Variants in BMPR1A observed in about 807,000 individuals in gnomAD.
BMPR1A encodes bone morphogenetic protein receptor type 1A.
Under a neutral mutation model 66.0 loss-of-function variants are expected in BMPR1A, and 7 were observed. The observed-to-expected ratio is 0.11, with a 90% CI of 0.06 to 0.20. The LOEUF (loss-of-function observed/expected upper bound fraction) is 0.20, where lower values mean the gene tolerates loss of function less well. Ranked by LOEUF, BMPR1A falls within the 10% of genes least tolerant of loss-of-function variation. BMPR1A has a pLI of 1.00. For missense variants in BMPR1A, 408 were observed against 669.1 expected (o/e 0.61, Z 4.31); for synonymous variants, 200 against 229.7 (o/e 0.87, Z 1.17).
At chr10:86,874,196 C>A (rs888498848) in intron 2 of BMPR1A, among the ~76,000 whole-genome samples, 6 of 152,220 alleles carry the variant, frequency 3.9e-5, no homozygotes, top group African/African-American at 1.4e-4. Context: ...ACTAATTAGC[C>A]TTTTCCCCCG....
chr10:86,864,001 A>G (rs1231920020), intron 2 of BMPR1A, among the ~76,000 whole-genome samples: 2 of 152,240 alleles, frequency 1.3e-5, no homozygotes, highest in Non-Finnish European at 2.9e-5. Flanking sequence ...AGTTTGATCA[A>G]GATAATTTTT....
intron 1 of BMPR1A, among the ~76,000 whole-genome samples, chr10:86,830,882 T>C (rs1039606240): frequency 1.3e-5 from 2 of 152,094 alleles, no homozygotes; most frequent in African/African-American, 4.8e-5. Flanking sequence ...TTTGGTGTCA[T>C]TCCCCATTCC....
chr10:86,860,659 A>G (rs1351762291), intron 2 of BMPR1A, among the ~76,000 whole-genome samples: 2 of 151,102 alleles, frequency 1.3e-5, no homozygotes, highest in Non-Finnish European at 2.9e-5. Context: ...AGTCCCAGCT[A>G]CTCGGGAGGC....
At chr10:86,909,353 G>C (rs1169267405) in intron 7 of BMPR1A, among the ~76,000 whole-genome samples, 7 of 152,144 alleles carry the variant, frequency 4.6e-5, no homozygotes. Context: ...AGCAATTTGG[G>C]AGGCTGAGGT....
chr10:86,771,040 G>A (rs1841250439), intron 1 of BMPR1A, among the ~76,000 whole-genome samples: 1 of 152,092 alleles, frequency 6.6e-6, no homozygotes, highest in African/African-American at 2.4e-5. Flanking sequence ...CTTCTCAGTG[G>A]CCTGTTTCCA....
At chr10:86,872,248 G>A (rs890914997) in intron 2 of BMPR1A, among the ~76,000 whole-genome samples, 1 of 152,206 alleles carries the variant, frequency 6.6e-6, no homozygotes, top group Non-Finnish European at 1.5e-5. Context: ...TGGCAAGTGT[G>A]TTGTAAACAT....
intron 2 of BMPR1A, among the ~76,000 whole-genome samples, chr10:86,848,907 G>A (rs188645772): frequency 8.0e-4 from 122 of 152,250 alleles, no homozygotes; most frequent in Admixed American, 2.4e-3. Context: ...CTCTATAATA[G>A]TTTTCTTCCA....
intron 2 of BMPR1A, among the ~76,000 whole-genome samples, chr10:86,858,717 C>T (rs997959116): frequency 6.6e-6 from 1 of 151,780 alleles, no homozygotes; most frequent in Non-Finnish European, 1.5e-5. Flanking sequence ...TACATTTGAC[C>T]AAGGAGGTGA....
intron 9 of BMPR1A, 44 bp downstream of exon 9, chr10:86,917,370 A>G (rs374598283): frequency 8.7e-6 from 14 of 1,606,868 alleles, no homozygotes; most frequent in Non-Finnish European, 1.2e-5. Context: ...TGACAAGGCT[A>G]GTGAGGTACA....
At chr10:86,898,859 TTC>T (rs1843267161) in intron 5 of BMPR1A, among the ~76,000 whole-genome samples, 1 of 152,164 alleles carries the variant, frequency 6.6e-6, no homozygotes, top group South Asian at 2.1e-4. Flanking sequence ...CCTAACTTTT[TTC>T]TCTCTCTCCT....
chr10:86,899,777 C>A lies in BMPR1A; in HGVS notation c.334-17C>A, dbSNP rs1344682586. 1 of 1,600,680 alleles carries A rather than the reference C, an allele frequency of 6.2e-7. No individual in the cohort carries two copies. The highest frequency in any genetic ancestry group is 8.6e-7 in the Non-Finnish European group (1 of 1,167,880). ...AATACCAAACCATTTCTAATTTTAT[C>A]ATTACTCTTCTTTTAGGATTCTCCA... On this transcript the variant is annotated splice_polypyrimidine_tract_variant and intron_variant, in intron 5 of 12. Transcript: ENST00000372037.
Position 86,894,458 on chromosome 10 carries a change from C to T in BMPR1A, c.333+2229C>T, listed in dbSNP as rs777761463. The stretch of plus-strand genomic sequence containing the variant: ...CGTTGTTCCAGTTTTAGGCTATTTG[C>T]GTATTTATCAAGCACACATACTATA... On this transcript the variant is annotated intron_variant, in intron 5 of 12. Transcript: ENST00000372037. 1.4e-4 allele frequency among the ~76,000 whole-genome samples: 21 copies of T among 152,274 alleles called. No homozygotes were observed. The South Asian group carries it at 2.9e-3, about 21-fold the overall frequency.
chr10:86,772,126 G>GT (rs777280640), intron 1 of BMPR1A, among the ~76,000 whole-genome samples: 4,536 of 88,884 alleles, frequency 0.051, 478 homozygotes, highest in African/African-American at 0.17. Context: ...TCAGAGATAG[G>GT]TTTTTTTTTT....
rs559394258 is a variant in BMPR1A, at chr10:86,775,956, C to T, written c.-268+19037C>T. ...CTGCTCACCCTGGGGTTCATTTCCC[C>T]GCAGCTCTGTCTGTTCCCTTGGCAG... On this transcript the variant is annotated intron_variant, in intron 1 of 12. Transcript: ENST00000372037. 3.9e-5 allele frequency among the ~76,000 whole-genome samples: 6 copies of T among 152,228 alleles called. No homozygotes were observed. In the East Asian group the frequency reaches 5.8e-4, roughly 15 times the overall value.
chr10:86,765,483 C>CAAAA (rs34219531), intron 1 of BMPR1A, among the ~76,000 whole-genome samples: 9 of 70,620 alleles, frequency 1.3e-4, no homozygotes, highest in East Asian at 4.0e-4. Context: ...GACTCTGTCT[C>CAAAA]AAAAAAAAAA....
At chr10:86,760,125 A>G (rs746507609) in intron 1 of BMPR1A, among the ~76,000 whole-genome samples, 2 of 145,746 alleles carry the variant, frequency 1.4e-5, no homozygotes, top group Non-Finnish European at 3.0e-5. Context: ...TTCGCCACTC[A>G]GAAGTTTCCT....
At position 86,912,268 on chromosome 10, in the gene BMPR1A, C is replaced by T. The variant is rs587782231; in HGVS notation, c.559C>T (p.Arg187Cys). 16 of 1,613,748 alleles carry T rather than the reference C, an allele frequency of 9.9e-6. No individual in the cohort carries two copies. Among genetic ancestry groups the T allele is most frequent in the South Asian group, 5.5e-5 (5 of 91,064 alleles). ...KHYCKSISSR[R>C]RYNRDLEQDE... Reference sequence around the variant, plus strand: ...TTATTGCAAGAGCATCTCAAGCAGACGTCGTTACAATCGTGATTTGGAACA... The same window carrying T: ...TTATTGCAAGAGCATCTCAAGCAGATGTCGTTACAATCGTGATTTGGAACA... Residue 187 changes from arginine to cysteine, a missense_variant, in exon 8 of 13, where the codon CGT becomes TGT. By Grantham distance (180) the Arg-to-Cys change is radical. Coordinates refer to ENST00000372037, the MANE Select transcript of BMPR1A (RefSeq NM_004329.3).
chr10:86,840,967 C>T (rs1400813830), intron 2 of BMPR1A, among the ~76,000 whole-genome samples: 1 of 152,188 alleles, frequency 6.6e-6, no homozygotes, highest in South Asian at 2.1e-4. Flanking sequence ...TGCTGCTTCT[C>T]GCTCCTACTT....
At position 86,809,679 on chromosome 10, in the gene BMPR1A, G is replaced by A. The variant is rs925196468; in HGVS notation, c.-267-29186G>A. Among the ~76,000 whole-genome samples, 9 of 148,392 alleles carry A rather than the reference G, an allele frequency of 6.1e-5. No individual in the cohort carries two copies. In the East Asian group the frequency reaches 1.8e-3, roughly 29 times the overall value. On this transcript the variant is annotated intron_variant, in intron 1 of 12. Coordinates refer to ENST00000372037, the MANE Select transcript of BMPR1A (RefSeq NM_004329.3). ...TCTAGGCCTCAGCTCCTGGCCTCAA[G>A]CGATCCTCTCCCCTCAGCCTCCCCA...
Sources: gnomAD v4.1 joint callset for allele counts (sites outside exome capture counted in the v4.1 genomes callset) on GRCh38, gnomAD v4.1.1 for gene constraint, MANE v1.5 for transcripts, NCBI Gene and HGNC (gene_info 2026-07-23, HGNC 2026-07-21) for gene names.